FBXL4: variants seen among roughly 807,000 people sequenced by gnomAD.
FBXL4 encodes F-box/LRR-repeat protein 4.
Under a neutral mutation model 58.9 loss-of-function variants are expected in FBXL4, and 40 were observed. The ratio of observed to expected loss-of-function variants is 0.68; its 90% CI spans 0.53 to 0.88. FBXL4 has a LOEUF of 0.88. FBXL4 is among the 40% of genes least tolerant of loss of function. FBXL4 has a pLI of 0.00. For synonymous variants in FBXL4, 263 were observed against 265.5 expected, an observed-to-expected ratio of 0.99 and a Z score of 0.09; for missense variants, 676 against 734.4, an observed-to-expected ratio of 0.92 and a Z score of 0.92.
At chr6:98,876,071 T>C (rs562455994) in intron 8 of FBXL4, among the ~76,000 whole-genome samples, 6 of 152,338 alleles carry the variant, frequency 3.9e-5, no homozygotes, top group Admixed American at 3.3e-4. Context: ...TGCTACTCAT[T>C]GACAGCACCT....
rs981413473 is a variant in FBXL4, at chr6:98,934,751, G to A, written c.-191+11C>T. 6.6e-6 allele frequency: 1 copy of A among 152,112 alleles called. No homozygotes were observed. Among genetic ancestry groups the A allele is most frequent in the Non-Finnish European group, 1.5e-5 (1 of 68,020 alleles). 9.4% of individuals were successfully genotyped at this position (152,112 alleles called of 1,614,324 possible). ...AGGCCCCAAAGTAGAAAAAATAGGTGGCGTTCTTACCTGAAACATATGGAT... is the reference window on the plus strand; with the variant it reads ...AGGCCCCAAAGTAGAAAAAATAGGTAGCGTTCTTACCTGAAACATATGGAT... On this transcript the variant is annotated intron_variant, in intron 2 of 9. Transcript: ENST00000369244.
At chr6:98,879,721 C>A (rs13198329) in intron 8 of FBXL4, among the ~76,000 whole-genome samples, 1 of 137,096 alleles carries the variant, frequency 7.3e-6, no homozygotes, top group South Asian at 2.3e-4. Flanking sequence ...GACCAGCCTG[C>A]CCAATATGGT....
intron 1 of FBXL4, among the ~76,000 whole-genome samples, chr6:98,947,487 G>A (rs145128801): frequency 1.1e-4 from 17 of 152,360 alleles, no homozygotes; most frequent in African/African-American, 4.1e-4. Flanking sequence ...GGGGCGACCC[G>A]CAGTCCCCCG....
intron 4 of FBXL4, among the ~76,000 whole-genome samples, chr6:98,921,372 T>C (rs1047708228): frequency 6.6e-6 from 1 of 151,204 alleles, no homozygotes; most frequent in Admixed American, 6.6e-5. Context: ...TACAAAAAGC[T>C]TCCTTGCAAC....
At chr6:98,938,617 G>A (rs1773312031) in intron 1 of FBXL4, among the ~76,000 whole-genome samples, 2 of 152,200 alleles carry the variant, frequency 1.3e-5, no homozygotes, top group African/African-American at 4.8e-5. Flanking sequence ...CTGGGGGTTA[G>A]TAGCTTTATA....
At chr6:98,913,057 A>G (rs1279614949) in intron 5 of FBXL4, among the ~76,000 whole-genome samples, 1 of 152,088 alleles carries the variant, frequency 6.6e-6, no homozygotes. Context: ...CTTTAAACCA[A>G]CAAAGATCAA....
intron 5 of FBXL4, among the ~76,000 whole-genome samples, chr6:98,911,059 C>A (rs1176664505): frequency 6.6e-6 from 1 of 151,748 alleles, no homozygotes; most frequent in Non-Finnish European, 1.5e-5. Flanking sequence ...CCTACGCCCA[C>A]GGAGTCTCGC....
chr6:98,919,854 C>T (rs1236030169), intron 4 of FBXL4, among the ~76,000 whole-genome samples: 1 of 151,940 alleles, frequency 6.6e-6, no homozygotes, highest in African/African-American at 2.4e-5. Flanking sequence ...ACTTTTTTGT[C>T]GCCACTGCAA....
chr6:98,935,405 G>A (rs1013371074), intron 1 of FBXL4, among the ~76,000 whole-genome samples: 10 of 151,570 alleles, frequency 6.6e-5, no homozygotes, highest in Non-Finnish European at 1.2e-4. Context: ...TAATTACACA[G>A]GTACGATGAT....
At chr6:98,886,810 T>C (rs559816146) in intron 7 of FBXL4, among the ~76,000 whole-genome samples, 43 of 152,350 alleles carry the variant, frequency 2.8e-4, no homozygotes, top group Non-Finnish European at 4.7e-4. Flanking sequence ...ACAAAATCTC[T>C]TCTTTCTCTA....
chr6:98,901,028 G>A (rs570941582), intron 6 of FBXL4, among the ~76,000 whole-genome samples: 1 of 152,268 alleles, frequency 6.6e-6, no homozygotes, highest in African/African-American at 2.4e-5. Flanking sequence ...CCAGGCAATA[G>A]TCTAGGCACT....
At chr6:98,880,193 T>G (rs540786148) in intron 8 of FBXL4, among the ~76,000 whole-genome samples, 44 of 152,262 alleles carry the variant, frequency 2.9e-4, no homozygotes, top group African/African-American at 9.6e-4. Flanking sequence ...AAAGCTAAAA[T>G]GAGCTTAGTG....
In FBXL4 at chr6:98,927,748, T is replaced by C. The variant is rs988854460; in HGVS notation, c.-116A>G. On this transcript the variant is annotated 5_prime_UTR_variant, in exon 3 of 10. Coordinates refer to ENST00000369244, the MANE Select transcript of FBXL4 (RefSeq NM_001278716.2). ...AGGATACACATGGGAAATGCAAAAG[T>C]TGGCATTCATCCAGGTACCCTGAAC... is the stretch of plus-strand genomic sequence containing the variant. The C allele has an allele frequency of 3.9e-5, 6 of 152,208 alleles. No homozygotes were observed. Among genetic ancestry groups the C allele is most frequent in the African/African-American group, 1.4e-4 (6 of 41,452 alleles). The allele number at this position is 152,208 out of a possible 1,614,324, so 9.4% of individuals were successfully genotyped here.
rs193059175 is a variant in FBXL4 at position 98,877,899 on chromosome 6, G to A, written c.1390-2172C>T. 1.1e-4 allele frequency among the ~76,000 whole-genome samples: 16 copies of A among 152,226 alleles called. No individual in the cohort carries two copies. The highest frequency in any genetic ancestry group is 3.4e-4 in the African/African-American group (14 of 41,538). ...AAATTTGTCTCTTTCCCAATCAAGAGGAAAAATAAATATTTCTAAGTAGTC... is the reference window on the plus strand; with the variant it reads ...AAATTTGTCTCTTTCCCAATCAAGAAGAAAAATAAATATTTCTAAGTAGTC... On this transcript the variant is annotated intron_variant, in intron 8 of 9. Transcript: ENST00000369244.
At chr6:98,914,675 C>A (rs367567991) in intron 5 of FBXL4, among the ~76,000 whole-genome samples, 9 of 151,226 alleles carry the variant, frequency 6.0e-5, no homozygotes, top group East Asian at 1.9e-4. Context: ...ATCTCAAAAT[C>A]ATAAGAGCTA....
chr6:98,915,873 G>C (rs1772322399), intron 5 of FBXL4, among the ~76,000 whole-genome samples: 1 of 151,224 alleles, frequency 6.6e-6, no homozygotes, highest in Admixed American at 6.6e-5. Flanking sequence ...TACCATCAGA[G>C]TGAACAGGCA....
chr6:98,878,863 G>C (rs1018602371), intron 8 of FBXL4, among the ~76,000 whole-genome samples: 1 of 151,990 alleles, frequency 6.6e-6, no homozygotes, highest in Non-Finnish European at 1.5e-5. Flanking sequence ...AAATGTCATC[G>C]GGTCCATCAA....
intron 4 of FBXL4, among the ~76,000 whole-genome samples, chr6:98,921,777 G>A (rs1054156122): frequency 2.0e-5 from 3 of 151,882 alleles, no homozygotes; most frequent in African/African-American, 7.3e-5. Context: ...ATATTATATA[G>A]TTGGAGTGCT....
intron 7 of FBXL4, among the ~76,000 whole-genome samples, chr6:98,887,693 C>T (rs1163512113): frequency 1.3e-5 from 2 of 152,100 alleles, no homozygotes; most frequent in Non-Finnish European, 2.9e-5. Context: ...CTGATCTTTG[C>T]TGAATAAGAG....
Sources: gnomAD v4.1 joint callset for allele counts (sites outside exome capture counted in the v4.1 genomes callset) on GRCh38, gnomAD v4.1.1 for gene constraint, MANE v1.5 for transcripts, NCBI Gene and HGNC (gene_info 2026-07-23, HGNC 2026-07-21) for gene names.